NLGN4X: variants seen among roughly 807,000 people sequenced by gnomAD.
NLGN4X encodes neuroligin 4 X-linked.
A neutral mutation model predicts 40.3 loss-of-function variants in NLGN4X; 3 were observed. The observed-to-expected ratio is 0.07, with a 90% CI of 0.03 to 0.19. The LOEUF (loss-of-function observed/expected upper bound fraction) is 0.19. NLGN4X is among the 10% of genes least tolerant of loss of function. The pLI, the probability that NLGN4X is intolerant of heterozygous loss-of-function variation, is 1.00. For missense variants in NLGN4X, 382 were observed against 708.3 expected, an observed-to-expected ratio of 0.54 and a Z score of 5.23; for synonymous variants, 270 against 306.8, an observed-to-expected ratio of 0.88 and a Z score of 1.25.
intron 3 of NLGN4X, among the ~76,000 whole-genome samples, chrX:5,924,804 T>C (rs930691893): frequency 4.6e-5 from 5 of 108,638 alleles, no homozygotes; most frequent in African/African-American, 1.7e-4. Context: ...AGCTGAGCTA[T>C]GAGGATGCAA....
chrX:6,107,493 C>A (rs1251887850), intron 2 of NLGN4X, among the ~76,000 whole-genome samples: 2 of 111,627 alleles, frequency 1.8e-5, no homozygotes, highest in African/African-American at 6.5e-5. Context: ...GACAACCTCA[C>A]TGGGTCAAGC....
intron 2 of NLGN4X, among the ~76,000 whole-genome samples, chrX:6,110,280 T>A (rs1025917565): frequency 1.8e-5 from 2 of 111,567 alleles, no homozygotes; most frequent in East Asian, 5.7e-4. Flanking sequence ...CAGAGTCAAG[T>A]GGAAAGAACT....
chrX:6,108,159 A>T (rs1474268998), intron 2 of NLGN4X, among the ~76,000 whole-genome samples: 1 of 111,883 alleles, frequency 8.9e-6, no homozygotes, highest in African/African-American at 3.3e-5. Context: ...CTTACTGCCA[A>T]CAAAATAAAG....
At chrX:5,957,457 T>C (rs1175399491) in intron 3 of NLGN4X, among the ~76,000 whole-genome samples, 1 of 111,787 alleles carries the variant, frequency 8.9e-6, no homozygotes, top group Non-Finnish European at 1.9e-5. Context: ...TCACAGTGGA[T>C]ATTTCTGCTT....
At chrX:6,075,011 G>A (rs759351170) in intron 2 of NLGN4X, among the ~76,000 whole-genome samples, 14 of 111,824 alleles carry the variant, frequency 1.3e-4, no homozygotes, top group Admixed American at 3.8e-4. Flanking sequence ...GGGAAAAAAG[G>A]ATGATAAAGG....
At chrX:6,066,135 T>C (rs1327109743) in intron 2 of NLGN4X, among the ~76,000 whole-genome samples, 1 of 112,274 alleles carries the variant, frequency 8.9e-6, no homozygotes, top group Non-Finnish European at 1.9e-5. Context: ...CCCCTTGACA[T>C]GCAGGATTGT....
chrX:5,946,885 T>C lies in NLGN4X; in HGVS notation c.626-37646A>G, dbSNP rs867841068. Among the ~76,000 whole-genome samples the C allele has an allele frequency of 5.4e-4, 60 of 111,537 alleles. 1 individual carries two copies. The highest frequency in any genetic ancestry group is 4.6e-3 in the Middle Eastern group (1 of 217). ...TCTGTTGTTCCCTACTATGTGATCA[T>C]GTGTTCTCATCTTTAGCTCCCACTT... On this transcript the variant is annotated intron_variant, in intron 3 of 5. Coordinates refer to ENST00000381095, the MANE Select transcript of NLGN4X (RefSeq NM_181332.3).
intron 1 of NLGN4X, among the ~76,000 whole-genome samples, chrX:6,228,096 TA>T (rs1246660673): frequency 1.8e-5 from 2 of 110,818 alleles, no homozygotes; most frequent in African/African-American, 3.3e-5. Flanking sequence ...GATACATATA[TA>T]TTTTTTTCCT....
intron 2 of NLGN4X, among the ~76,000 whole-genome samples, chrX:6,096,068 A>C (rs1351644549): frequency 8.9e-6 from 1 of 112,148 alleles, no homozygotes; most frequent in Non-Finnish European, 1.9e-5. Flanking sequence ...GTCTGTAGGT[A>C]CAAAATCCAG....
chrX:6,090,068 T>C (rs551687719), intron 2 of NLGN4X, among the ~76,000 whole-genome samples: 23 of 111,192 alleles, frequency 2.1e-4, no homozygotes, highest in South Asian at 7.5e-4. Flanking sequence ...CGTAAACACA[T>C]GTCCTATTCT....
At chrX:5,944,739 T>A (rs148451835) in intron 3 of NLGN4X, among the ~76,000 whole-genome samples, 1,864 of 106,285 alleles carry the variant, frequency 0.018, 48 homozygotes, top group African/African-American at 0.061. Context: ...AAAGAAGAAA[T>A]CAGCCAAAAG....
chrX:6,060,957 C>T (rs765333112), intron 2 of NLGN4X, among the ~76,000 whole-genome samples: 3 of 111,519 alleles, frequency 2.7e-5, no homozygotes, highest in East Asian at 5.7e-4. Context: ...TACACACTTG[C>T]AAGACTTTCC....
chrX:6,168,918 C>T (rs926568483), intron 1 of NLGN4X, among the ~76,000 whole-genome samples: 1 of 111,907 alleles, frequency 8.9e-6, no homozygotes, highest in Non-Finnish European at 1.9e-5. Context: ...TTTAGTAATA[C>T]ACTAGAGAAC....
chrX:6,110,484 C>A (rs1213088387), intron 2 of NLGN4X, among the ~76,000 whole-genome samples: 1 of 112,047 alleles, frequency 8.9e-6, no homozygotes, highest in Non-Finnish European at 1.9e-5. Context: ...AGATACGCAG[C>A]AGATTGGTTC....
At chrX:6,163,284 T>G (rs1299188377) in intron 1 of NLGN4X, among the ~76,000 whole-genome samples, 3 of 112,131 alleles carry the variant, frequency 2.7e-5, no homozygotes, top group Non-Finnish European at 5.6e-5. Context: ...GAACAATAAG[T>G]ATTCCCCAAA....
intron 1 of NLGN4X, among the ~76,000 whole-genome samples, chrX:6,212,129 C>T (rs1924660159): frequency 9.1e-6 from 1 of 109,552 alleles, no homozygotes; most frequent in Admixed American, 9.8e-5. Context: ...ACCTGTAATC[C>T]CAGCTACTTG....
chrX:6,160,922 CATAT>C (rs1346179890), intron 1 of NLGN4X, among the ~76,000 whole-genome samples: 7 of 99,969 alleles, frequency 7.0e-5, no homozygotes, highest in Non-Finnish European at 1.2e-4. Context: ...ATATAAAAAA[CATAT>C]ATATTACAAA....
At chrX:5,978,662 G>A (rs888263345) in intron 3 of NLGN4X, among the ~76,000 whole-genome samples, 6 of 112,304 alleles carry the variant, frequency 5.3e-5, no homozygotes, top group Non-Finnish European at 1.1e-4. Context: ...CAGTGGCTGA[G>A]AGTAATTATT....
intron 2 of NLGN4X, among the ~76,000 whole-genome samples, chrX:6,040,270 A>G (rs2037122340): frequency 9.0e-6 from 1 of 111,648 alleles, no homozygotes; most frequent in Non-Finnish European, 1.9e-5. Context: ...ATACCTTATG[A>G]GATGTGTAAC....
Sources: allele counts gnomAD v4.1 joint callset (sites outside exome capture counted in the v4.1 genomes callset), GRCh38; gene constraint gnomAD v4.1.1; transcripts MANE v1.5; gene names NCBI Gene and HGNC (gene_info 2026-07-23, HGNC 2026-07-21).